The following CPNE4 variants were observed in gnomAD, a reference collection of about 807,000 sequenced individuals.
CPNE4 encodes the protein copine-4.
In CPNE4, 25 loss-of-function variants were observed where a neutral mutation model predicts 67.9. That is an observed-to-expected ratio of 0.37 (90% CI 0.27 to 0.51). CPNE4 has a LOEUF of 0.51. Among genes scored for constraint, CPNE4 ranks in the 20% least tolerant of loss-of-function variants. The probability of loss-of-function intolerance (pLI) is 0.93; values close to 1 mark genes in which losing one functional copy is unlikely to be tolerated. For synonymous variants in CPNE4, 242 were observed against 244.9 expected (o/e 0.99, Z 0.11); for missense variants, 464 against 690.8 (o/e 0.67, Z 3.68).
chr3:131,569,654 AAAAAAAAAC>A (rs1189823036), intron 10 of CPNE4, among the ~76,000 whole-genome samples: 38 of 132,058 alleles, frequency 2.9e-4, no homozygotes, highest in East Asian at 1.0e-3. Context: ...CAAAAAAAAC[AAAAAAAAAC>A]AAAAAAAAAA....
At chr3:131,553,296 G>A (rs991036467) in intron 12 of CPNE4, among the ~76,000 whole-genome samples, 53 of 152,046 alleles carry the variant, frequency 3.5e-4, no homozygotes, top group African/African-American at 1.1e-3. Flanking sequence ...AAAGACACCT[G>A]TTTTCTTAGT....
At chr3:131,550,422 A>G (rs560396890) in intron 13 of CPNE4, among the ~76,000 whole-genome samples, 4 of 152,256 alleles carry the variant, frequency 2.6e-5, no homozygotes, top group East Asian at 1.9e-4. Context: ...GAGATGTTCA[A>G]TGATCTGCCC....
intron 1 of CPNE4, among the ~76,000 whole-genome samples, chr3:132,010,897 C>T (rs1164512018): frequency 1.3e-5 from 2 of 152,130 alleles, no homozygotes; most frequent in African/African-American, 4.8e-5. Flanking sequence ...TGGCACATGG[C>T]TTTTCCTGAT....
At chr3:132,009,633 G>A (rs1299249372) in intron 1 of CPNE4, among the ~76,000 whole-genome samples, 1 of 152,094 alleles carries the variant, frequency 6.6e-6, no homozygotes, top group African/African-American at 2.4e-5. Context: ...AATGACCCAG[G>A]TCATTCATAA....
chr3:131,702,622 G>T (rs1006387591), intron 3 of CPNE4, among the ~76,000 whole-genome samples: 1 of 152,124 alleles, frequency 6.6e-6, no homozygotes, highest in Non-Finnish European at 1.5e-5. Context: ...CAACCCTCTC[G>T]GCCCTATAAT....
In CPNE4 at chr3:131,596,157, C is replaced by CAAATAAATAAAT. The variant is rs143272276; in HGVS notation, c.682-8576_682-8575insATTTATTTATTT. 2.7e-3 allele frequency among the ~76,000 whole-genome samples: 411 copies of CAAATAAATAAAT among 151,728 alleles called. 1 individual carries two copies. The highest frequency in any genetic ancestry group is 9.0e-3 in the African/African-American group (371 of 41,230). On this transcript the variant is annotated intron_variant, in intron 7 of 15. Coordinates refer to ENST00000429747, the MANE Select transcript of CPNE4 (RefSeq NM_130808.3). ...TTAAGTGTTCTAACAAACAAACAAA[C>CAAATAAATAAAT]AAACAAATAAATAAGTAAATTGATG...
At chr3:131,978,765 C>T (rs2072823205) in intron 1 of CPNE4, among the ~76,000 whole-genome samples, 1 of 149,806 alleles carries the variant, frequency 6.7e-6, no homozygotes, top group Non-Finnish European at 1.5e-5. Flanking sequence ...TTTTTCTAGC[C>T]CCTTGAGGTA....
intron 6 of CPNE4, among the ~76,000 whole-genome samples, chr3:131,675,406 G>T (rs1165253606): frequency 1.3e-5 from 2 of 152,022 alleles, no homozygotes; most frequent in Non-Finnish European, 2.9e-5. Context: ...CTGAAAATGG[G>T]GTGTTGAAGT....
chr3:131,845,302 A>G (rs2085954565), intron 2 of CPNE4, among the ~76,000 whole-genome samples: 1 of 152,182 alleles, frequency 6.6e-6, no homozygotes, highest in South Asian at 2.1e-4. Flanking sequence ...AATCTTCACA[A>G]CAACACTATT....
chr3:131,582,243 C>G (rs749623351), intron 8 of CPNE4, among the ~76,000 whole-genome samples: 1 of 152,102 alleles, frequency 6.6e-6, no homozygotes, highest in Non-Finnish European at 1.5e-5. Flanking sequence ...AATGGATTGG[C>G]TTATGTCCCA....
intron 11 of CPNE4, among the ~76,000 whole-genome samples, chr3:131,556,882 C>T (rs1472033556): frequency 6.6e-6 from 1 of 152,068 alleles, no homozygotes; most frequent in African/African-American, 2.4e-5. Flanking sequence ...AATGTACCAG[C>T]CCCCTGCTAG....
chr3:131,712,707 T>C (rs971099811), intron 3 of CPNE4, among the ~76,000 whole-genome samples: 1 of 152,236 alleles, frequency 6.6e-6, no homozygotes, highest in African/African-American at 2.4e-5. Context: ...CAGTTTATAG[T>C]GTTGGAGTGT....
At chr3:131,537,679 G>T in intron 15 of CPNE4, 1 of 238,188 alleles carries the variant, frequency 4.2e-6, no homozygotes. Context: ...AACATGCTCT[G>T]GACACAGTTG....
chr3:131,952,360 C>T (rs1211773012), intron 1 of CPNE4, among the ~76,000 whole-genome samples: 7 of 147,864 alleles, frequency 4.7e-5, no homozygotes, highest in East Asian at 2.1e-4. Flanking sequence ...GGAGCCCCTC[C>T]GCCCGGCAGC....
chr3:131,987,030 A>T (rs1181833200), intron 1 of CPNE4, among the ~76,000 whole-genome samples: 1 of 152,226 alleles, frequency 6.6e-6, no homozygotes, highest in African/African-American at 2.4e-5. Context: ...GCATCAGTTG[A>T]TATCAATGTG....
chr3:132,035,408 C>A (rs771953966), upstream of CPNE4: 1 of 152,136 alleles, frequency 6.6e-6, no homozygotes, highest in Non-Finnish European at 1.5e-5. Context: ...CTGGATCCTT[C>A]GTGTCTACAA....
At chr3:131,777,743 C>T (rs954755615) in intron 2 of CPNE4, among the ~76,000 whole-genome samples, 1 of 152,058 alleles carries the variant, frequency 6.6e-6, no homozygotes, top group African/African-American at 2.4e-5. Context: ...TTAAGCTCCC[C>T]ATGACCAAGA....
At chr3:131,617,898 C>A (rs1010298097) in intron 7 of CPNE4, among the ~76,000 whole-genome samples, 12 of 152,202 alleles carry the variant, frequency 7.9e-5, no homozygotes, top group Admixed American at 4.6e-4. Context: ...TATTAACTCA[C>A]CATCAGTCAA....
chr3:131,738,583 A>G (rs573459818), intron 2 of CPNE4, among the ~76,000 whole-genome samples: 3 of 152,214 alleles, frequency 2.0e-5, no homozygotes, highest in Admixed American at 2.0e-4. Context: ...TTCTAATTCT[A>G]TACCTGATTT....
Sources: gnomAD v4.1 joint callset for allele counts (sites outside exome capture counted in the v4.1 genomes callset) on GRCh38, gnomAD v4.1.1 for gene constraint, MANE v1.5 for transcripts, NCBI Gene and HGNC (gene_info 2026-07-23, HGNC 2026-07-21) for gene names.